The following UBE2E2 variants were observed in gnomAD, a reference collection of about 807,000 sequenced individuals.
The protein encoded by UBE2E2 is ubiquitin-conjugating enzyme E2 E2.
A neutral mutation model predicts 24.7 loss-of-function variants in UBE2E2; 6 were observed. The ratio of observed to expected loss-of-function variants is 0.24; its 90% CI spans 0.13 to 0.48. UBE2E2 has a LOEUF of 0.48. Among genes scored for constraint, UBE2E2 ranks in the 20% least tolerant of loss-of-function variants. The probability of loss-of-function intolerance (pLI) is 0.99; values close to 1 mark genes in which losing one functional copy is unlikely to be tolerated. For missense variants in UBE2E2, 169 were observed against 245.0 expected (o/e 0.69, Z 2.07); for synonymous variants, 104 against 83.6 (o/e 1.24, Z -1.33).
chr3:23,361,422 C>T (rs1696110968), intron 3 of UBE2E2, among the ~76,000 whole-genome samples: 1 of 152,096 alleles, frequency 6.6e-6, no homozygotes, highest in Admixed American at 6.5e-5. Context: ...AGTTATGGAA[C>T]CAAGCTAAGT....
intron 3 of UBE2E2, among the ~76,000 whole-genome samples, chr3:23,240,736 T>G (rs1430778907): frequency 6.6e-6 from 1 of 152,226 alleles, no homozygotes; most frequent in Non-Finnish European, 1.5e-5. Context: ...CTGGATAGCT[T>G]AAGTATTTTC....
rs192340736 is a variant in UBE2E2, at chr3:23,346,995, G to A, written c.227+129683G>A. ...TTCTCTATGGCCATTAGTACTTAGG[G>A]TGATATACTATCTTCAGTGCTATCC... is the stretch of plus-strand genomic sequence containing the variant. On this transcript the variant is annotated intron_variant, in intron 3 of 5. Transcript: ENST00000396703. Among the ~76,000 whole-genome samples the A allele has an allele frequency of 5.7e-4, 87 of 152,222 alleles. 3 individuals are homozygous for A. The East Asian group carries it at 0.015, about 27-fold the overall frequency.
At chr3:23,258,002 G>A (rs1213920233) in intron 3 of UBE2E2, among the ~76,000 whole-genome samples, 3 of 152,068 alleles carry the variant, frequency 2.0e-5, no homozygotes, top group Non-Finnish European at 4.4e-5. Flanking sequence ...TTAAAAAAAG[G>A]TTAATGAGAA....
At chr3:23,578,413 C>T (rs948194661) in intron 5 of UBE2E2, among the ~76,000 whole-genome samples, 6 of 152,186 alleles carry the variant, frequency 3.9e-5, no homozygotes, top group African/African-American at 1.2e-4. Flanking sequence ...TTTGACCTAC[C>T]AGTCCCATTA....
At chr3:23,463,166 A>T (rs768390561) in intron 3 of UBE2E2, among the ~76,000 whole-genome samples, 1 of 152,052 alleles carries the variant, frequency 6.6e-6, no homozygotes, top group South Asian at 2.1e-4. Flanking sequence ...ACTTAAAATT[A>T]TCTCTTTTTC....
intron 3 of UBE2E2, among the ~76,000 whole-genome samples, chr3:23,391,170 C>T (rs1175641624): frequency 1.3e-5 from 2 of 152,190 alleles, no homozygotes; most frequent in Non-Finnish European, 2.9e-5. Flanking sequence ...CAAAGTCATA[C>T]AGCCAGCCAG....
intron 3 of UBE2E2, among the ~76,000 whole-genome samples, chr3:23,324,907 G>A (rs946243541): frequency 2.0e-4 from 31 of 152,048 alleles, no homozygotes; most frequent in African/African-American, 7.2e-4. Context: ...TGAATTACAG[G>A]AAGTGACACA....
chr3:23,353,623 A>G (rs1338189555), intron 3 of UBE2E2, among the ~76,000 whole-genome samples: 1 of 152,088 alleles, frequency 6.6e-6, no homozygotes, highest in Non-Finnish European at 1.5e-5. Flanking sequence ...TCATGAGTGA[A>G]CTCCCATTCA....
chr3:23,363,588 A>G (rs1008274459), intron 3 of UBE2E2, among the ~76,000 whole-genome samples: 1 of 152,258 alleles, frequency 6.6e-6, no homozygotes, highest in South Asian at 2.1e-4. Context: ...AAATTCAACA[A>G]GAAGACTTAA....
At chr3:23,258,558 G>T (rs1697800353) in intron 3 of UBE2E2, among the ~76,000 whole-genome samples, 1 of 152,182 alleles carries the variant, frequency 6.6e-6, no homozygotes, top group African/African-American at 2.4e-5. Flanking sequence ...AGATTATTAT[G>T]TTGATTATAA....
chr3:23,296,921 A>C (rs1698926854), intron 3 of UBE2E2, among the ~76,000 whole-genome samples: 1 of 152,222 alleles, frequency 6.6e-6, no homozygotes, highest in South Asian at 2.1e-4. Flanking sequence ...TTACAGTCCC[A>C]CCAACAGTGT....
intron 3 of UBE2E2, among the ~76,000 whole-genome samples, chr3:23,482,163 A>G (rs540176992): frequency 6.6e-6 from 1 of 152,362 alleles, no homozygotes; most frequent in East Asian, 1.9e-4. Context: ...CTTTTGAGCA[A>G]CAAGATGTTT....
In UBE2E2 at chr3:23,539,004, GA is replaced by G. The variant is rs536755694; in HGVS notation, c.508+6306del. ...TGATTTTCTAGGAAATACTGAATGA[GA>G]AAGGAAAGCCAAAATTACCCCATTG... On this transcript the variant is annotated intron_variant, in intron 5 of 5. Coordinates refer to ENST00000396703, the MANE Select transcript of UBE2E2 (RefSeq NM_152653.4). 4.4e-4 allele frequency among the ~76,000 whole-genome samples: 67 copies of G among 152,244 alleles called. 1 individual carries two copies. Among genetic ancestry groups the G allele is most frequent in the African/African-American group, 1.6e-3 (65 of 41,552 alleles).
chr3:23,301,719 A>T (rs548327971), intron 3 of UBE2E2, among the ~76,000 whole-genome samples: 60 of 152,232 alleles, frequency 3.9e-4, no homozygotes, highest in South Asian at 1.5e-3. Context: ...CAGGTAGGCT[A>T]CTTGGGGGTC....
chr3:23,246,718 C>T (rs968638108), intron 3 of UBE2E2, among the ~76,000 whole-genome samples: 10 of 151,784 alleles, frequency 6.6e-5, no homozygotes, highest in Non-Finnish European at 1.2e-4. Context: ...TGGTTATTAT[C>T]GGTTAAAAAT....
chr3:23,456,992 G>A (rs1025931791), intron 3 of UBE2E2, among the ~76,000 whole-genome samples: 1 of 152,138 alleles, frequency 6.6e-6, no homozygotes. Flanking sequence ...TACCATAATC[G>A]AGGATTCAGC....
At chr3:23,450,161 A>G (rs988417601) in intron 3 of UBE2E2, among the ~76,000 whole-genome samples, 1 of 152,242 alleles carries the variant, frequency 6.6e-6, no homozygotes, top group Non-Finnish European at 1.5e-5. Flanking sequence ...TTTAATAAAA[A>G]GAATTTGTTT....
intron 3 of UBE2E2, among the ~76,000 whole-genome samples, chr3:23,342,965 A>G (rs1372762480): frequency 6.6e-6 from 1 of 152,004 alleles, no homozygotes; most frequent in Non-Finnish European, 1.5e-5. Context: ...TTCTGCTGTT[A>G]TTGTTGCTGT....
intron 3 of UBE2E2, among the ~76,000 whole-genome samples, chr3:23,405,450 ACTGT>A (rs1262634828): frequency 6.6e-6 from 1 of 152,196 alleles, no homozygotes; most frequent in African/African-American, 2.4e-5. Context: ...ACCATGGCAC[ACTGT>A]CTATTATTTT....
Sources: allele counts gnomAD v4.1 joint callset (sites outside exome capture counted in the v4.1 genomes callset), GRCh38; gene constraint gnomAD v4.1.1; transcripts MANE v1.5; gene names NCBI Gene and HGNC (gene_info 2026-07-23, HGNC 2026-07-21).